Variants in GREB1L observed in about 807,000 individuals in gnomAD.
GREB1L encodes the protein GREB1 like retinoic acid receptor coactivator.
Under a neutral mutation model 200.8 loss-of-function variants are expected in GREB1L, and 17 were observed. The observed-to-expected ratio is 0.08, with a 90% CI of 0.06 to 0.13. The LOEUF is 0.13. GREB1L is among the 10% of genes least tolerant of loss of function. The pLI, the probability that GREB1L is intolerant of heterozygous loss-of-function variation, is 1.00. For synonymous variants in GREB1L, 789 were observed against 893.0 expected, an observed-to-expected ratio of 0.88 and a Z score of 2.08; for missense variants, 1,657 against 2,367.7, an observed-to-expected ratio of 0.70 and a Z score of 6.23.
chr18:21,464,445 G>A (rs1473816358), intron 15 of GREB1L, among the ~76,000 whole-genome samples: 1 of 151,310 alleles, frequency 6.6e-6, no homozygotes, highest in African/African-American at 2.4e-5. Flanking sequence ...TCAGGAGGCC[G>A]AGGCAGGAGA....
intron 5 of GREB1L, among the ~76,000 whole-genome samples, chr18:21,395,837 C>A (rs901157037): frequency 1.3e-5 from 2 of 150,680 alleles, no homozygotes; most frequent in African/African-American, 4.9e-5. Context: ...TCAAGTGATT[C>A]TCCTGCCTCA....
intron 1 of GREB1L, among the ~76,000 whole-genome samples, chr18:21,272,826 A>G (rs1290042728): frequency 6.6e-6 from 1 of 152,254 alleles, no homozygotes; most frequent in East Asian, 1.9e-4. Context: ...TTAATGTCCA[A>G]ATAGATAAAT....
intron 2 of GREB1L, among the ~76,000 whole-genome samples, chr18:21,367,087 T>C (rs2039705202): frequency 6.6e-6 from 1 of 152,086 alleles, no homozygotes; most frequent in Non-Finnish European, 1.5e-5. Context: ...CTGCAACAAT[T>C]GAGGAGGTCA....
intron 7 of GREB1L, among the ~76,000 whole-genome samples, chr18:21,434,547 A>G (rs2033409390): frequency 1.4e-5 from 2 of 142,896 alleles, no homozygotes; most frequent in Admixed American, 1.4e-4. Context: ...ATATGTGTAT[A>G]TATATGTGTG....
At chr18:21,443,408 T>C (rs1396119456) in intron 10 of GREB1L, among the ~76,000 whole-genome samples, 4 of 151,874 alleles carry the variant, frequency 2.6e-5, no homozygotes, top group African/African-American at 9.7e-5. Context: ...AAGGTGAAAA[T>C]GTTGGCCAGG....
At chr18:21,517,795 C>T (rs9956009) in intron 30 of GREB1L, among the ~76,000 whole-genome samples, 1,717 of 152,252 alleles carry the variant, frequency 0.011, 36 homozygotes, top group African/African-American at 0.039. Context: ...AATGTGGTAA[C>T]TTTCAGAGAA....
In GREB1L at chr18:21,500,602, C is replaced by T. The variant is rs757656236; in HGVS notation, c.4032C>T (p.Leu1344=). The change falls in exon 23 of 33, where the codon CTC becomes CTT. Residue 1344 remains leucine (L), a synonymous_variant. Coordinates refer to ENST00000424526, the MANE Select transcript of GREB1L (RefSeq NM_001142966.3). ...LRILFRMLIR[L]LEVDVYDEEE... ...TCCTCTTCCGCATGCTCATCAGGCT[C>T]CTGGAGGTGGACGTGTATGATGAGG... 7.7e-6 allele frequency: 12 copies of T among 1,551,150 alleles called. No homozygotes were observed. The African/African-American group carries it at 8.2e-5, about 11-fold the overall frequency.
intron 7 of GREB1L, among the ~76,000 whole-genome samples, chr18:21,410,894 T>C (rs2030912843): frequency 6.6e-6 from 1 of 151,892 alleles, no homozygotes; most frequent in African/African-American, 2.4e-5. Context: ...AGGTTGAGGC[T>C]GCAGTGAGCT....
intron 32 of GREB1L, among the ~76,000 whole-genome samples, chr18:21,522,069 C>T (rs960257376): frequency 6.7e-6 from 1 of 148,758 alleles, no homozygotes; most frequent in Non-Finnish European, 1.5e-5. Flanking sequence ...TCCAATAGTG[C>T]TGAGGTTCAG....
At chr18:21,242,846 G>A (rs947904053) in intron 1 of GREB1L, among the ~76,000 whole-genome samples, 2 of 152,176 alleles carry the variant, frequency 1.3e-5, no homozygotes, top group African/African-American at 4.8e-5. Flanking sequence ...CAGGGGCAGT[G>A]AGGGGGTGCC....
At chr18:21,358,188 AT>A (rs928287387) in intron 1 of GREB1L, among the ~76,000 whole-genome samples, 21 of 150,792 alleles carry the variant, frequency 1.4e-4, no homozygotes, top group African/African-American at 4.1e-4. Flanking sequence ...GTATTCCTAA[AT>A]TTTTTTTTTA....
rs188462709 is a variant in GREB1L at position 21,502,993 on chromosome 18, T to C, written c.4072+2351T>C. Among the ~76,000 whole-genome samples the C allele has an allele frequency of 8.5e-3, 1,302 of 152,310 alleles. 5 individuals carry two copies. Among genetic ancestry groups the C allele is most frequent in the Non-Finnish European group, 0.014 (960 of 68,026 alleles). On this transcript the variant is annotated intron_variant, in intron 23 of 32. Transcript: ENST00000424526. ...CTCATTTTAGTGCAGGTTAATGCAA[T>C]GGTGCTCTCAAGAGGCACAATGACA...
At chr18:21,433,838 T>C (rs924441577) in intron 7 of GREB1L, among the ~76,000 whole-genome samples, 2 of 152,190 alleles carry the variant, frequency 1.3e-5, no homozygotes, top group Non-Finnish European at 2.9e-5. Flanking sequence ...TTTGACACTT[T>C]CCTGTGTTAA....
At chr18:21,505,133 T>C (rs1481380831) in intron 23 of GREB1L, among the ~76,000 whole-genome samples, 3 of 152,156 alleles carry the variant, frequency 2.0e-5, no homozygotes, top group Non-Finnish European at 2.9e-5. Context: ...AATTAAACTT[T>C]TAAGGAAATT....
At chr18:21,251,993 T>C (rs1395008695) in intron 1 of GREB1L, among the ~76,000 whole-genome samples, 1 of 151,968 alleles carries the variant, frequency 6.6e-6, no homozygotes, top group East Asian at 1.9e-4. Flanking sequence ...TAAGGAACTC[T>C]TATAAAATGG....
Position 21,328,218 on chromosome 18 carries a change from T to C in GREB1L, c.-119-37809T>C, listed in dbSNP as rs77565592. Among the ~76,000 whole-genome samples, 648 of 151,986 alleles carry C rather than the reference T, an allele frequency of 4.3e-3. 2 individuals carry two copies. The highest frequency in any genetic ancestry group is 0.015 in the African/African-American group (601 of 41,376). ...CAGGATGTTTAAGCACTGTGTGTGC[T>C]CCTCTATGAGAGCCCTAATCACACT... On this transcript the variant is annotated intron_variant, in intron 1 of 32. Transcript: ENST00000424526.
intron 1 of GREB1L, among the ~76,000 whole-genome samples, chr18:21,351,997 G>GTA (rs2039440629): frequency 3.3e-5 from 5 of 151,962 alleles, no homozygotes; most frequent in African/African-American, 1.2e-4. Flanking sequence ...ACAGGCACGC[G>GTA]CCACCACGCC....
At chr18:21,270,639 T>G (rs1214233481) in intron 1 of GREB1L, among the ~76,000 whole-genome samples, 1 of 152,216 alleles carries the variant, frequency 6.6e-6, no homozygotes, top group Non-Finnish European at 1.5e-5. Context: ...TAAGCTGTGA[T>G]GTTGTTTTAA....
chr18:21,329,968 T>TGG (rs1567939278), intron 1 of GREB1L, among the ~76,000 whole-genome samples: 1 of 107,320 alleles, frequency 9.3e-6, no homozygotes, highest in African/African-American at 3.4e-5. Flanking sequence ...GGTTTTTTTT[T>TGG]TGGGGGGGGG....
Sources: allele counts gnomAD v4.1 joint callset (sites outside exome capture counted in the v4.1 genomes callset), GRCh38; gene constraint gnomAD v4.1.1; transcripts MANE v1.5; gene names NCBI Gene and HGNC (gene_info 2026-07-23, HGNC 2026-07-21).